Variants in MICAL3 observed in about 807,000 individuals in gnomAD.
MICAL3 encodes microtubule associated monooxygenase, calponin and LIM domain containing 3.
A neutral mutation model predicts 207.4 loss-of-function variants in MICAL3; 62 were observed. The ratio of observed to expected loss-of-function variants is 0.30; its 90% CI spans 0.24 to 0.37. The LOEUF is 0.37. MICAL3 is among the 10% of genes least tolerant of loss of function. The pLI, the probability that MICAL3 is intolerant of heterozygous loss-of-function variation, is 1.00. For missense variants in MICAL3, 2,368 were observed against 2,635.6 expected (o/e 0.90, Z 2.22); for synonymous variants, 1,077 against 1,069.3 (o/e 1.01, Z -0.14).
chr22:17,891,271 G>GA (rs1930376473), intron 12 of MICAL3, among the ~76,000 whole-genome samples: 1 of 151,574 alleles, frequency 6.6e-6, no homozygotes, highest in African/African-American at 2.4e-5. Context: ...AAAAAAATTG[G>GA]AAAAAAACAA....
chr22:17,922,014 C>T (rs1432302584), intron 1 of MICAL3, among the ~76,000 whole-genome samples: 2 of 152,120 alleles, frequency 1.3e-5, no homozygotes, highest in African/African-American at 2.4e-5. Flanking sequence ...TCACCTCTGC[C>T]GCCTCCTCAC....
intron 1 of MICAL3, among the ~76,000 whole-genome samples, chr22:18,021,592 A>G (rs1369149966): frequency 6.6e-6 from 1 of 152,256 alleles, no homozygotes; most frequent in African/African-American, 2.4e-5. Context: ...ACTAAAGGGA[A>G]GGATGGAAGT....
intron 2 of MICAL3, among the ~76,000 whole-genome samples, chr22:17,905,952 T>C (rs78006443): frequency 0.011 from 1,643 of 152,140 alleles, 32 homozygotes; most frequent in African/African-American, 0.038. Context: ...TGGGAAGAGG[T>C]TGGAAGCTTG....
chr22:17,966,517 TTCCTCAGGGGAAGAACCATGACCAA>T (rs1268726158), intron 1 of MICAL3, among the ~76,000 whole-genome samples: 1 of 152,164 alleles, frequency 6.6e-6, no homozygotes, highest in East Asian at 1.9e-4. Context: ...CAATGGAAAA[TTCCTCAGGGGAAGAACCATGACCAA>T]TCCTCAGGAG....
chr22:17,990,798 C>T (rs1921593870), intron 1 of MICAL3, among the ~76,000 whole-genome samples: 1 of 152,212 alleles, frequency 6.6e-6, no homozygotes, highest in Admixed American at 6.5e-5. Context: ...GCGATCATGC[C>T]ATGACACATA....
intron 17 of MICAL3, among the ~76,000 whole-genome samples, chr22:17,871,497 G>A (rs1464283308): frequency 6.6e-6 from 1 of 152,166 alleles, no homozygotes; most frequent in Non-Finnish European, 1.5e-5. Flanking sequence ...GGATGTGCAA[G>A]TCCCCTTCCG....
Position 17,819,133 on chromosome 22 carries a change from C to A in MICAL3, c.3532-4G>T, listed in dbSNP as rs1307954541. 2.7e-6 allele frequency: 4 copies of A among 1,469,792 alleles called. No homozygotes were observed. The highest frequency in any genetic ancestry group is 1.4e-5 in the African/African-American group (1 of 70,784). The allele number at this position is 1,469,792 out of a possible 1,614,324, so 91.0% of individuals were successfully genotyped here. A position where few individuals can be genotyped will look rare whatever the true frequency, so the allele number is the denominator to read the frequency against. ...GGACAGGTGGGAGTTGGGGCCCCTACAGGGAAGGAAGACAGAAGCCGCTGA... is the reference window on the plus strand; with the variant it reads ...GGACAGGTGGGAGTTGGGGCCCCTAAAGGGAAGGAAGACAGAAGCCGCTGA... On this transcript the variant is annotated splice_region_variant and splice_polypyrimidine_tract_variant and intron_variant, in intron 25 of 31. Coordinates refer to ENST00000441493, the MANE Select transcript of MICAL3 (RefSeq NM_015241.3).
At chr22:17,942,047 G>T (rs116373193) in intron 1 of MICAL3, among the ~76,000 whole-genome samples, 1 of 152,104 alleles carries the variant, frequency 6.6e-6, no homozygotes, top group Non-Finnish European at 1.5e-5. Flanking sequence ...AAGGAGAGGC[G>T]CCCAGCCACA....
chr22:17,966,549 G>C (rs1935152072), intron 1 of MICAL3, among the ~76,000 whole-genome samples: 1 of 152,160 alleles, frequency 6.6e-6, no homozygotes, highest in Non-Finnish European at 1.5e-5. Flanking sequence ...CCAATCCTCA[G>C]GAGATGAGGG....
intron 1 of MICAL3, among the ~76,000 whole-genome samples, chr22:17,970,110 C>T (rs1472226814): frequency 2.0e-5 from 3 of 152,198 alleles, no homozygotes; most frequent in Non-Finnish European, 4.4e-5. Flanking sequence ...GTGCCACTGT[C>T]CCCAGAGAAG....
intron 20 of MICAL3, chr22:17,840,894 A>G (rs1351621320): frequency 5.3e-5 from 8 of 152,248 alleles, no homozygotes; most frequent in Admixed American, 5.2e-4. Flanking sequence ...TCTGTGAGGC[A>G]GCCCAAGAAT....
chr22:17,880,076 A>G (rs1929276353), intron 16 of MICAL3, among the ~76,000 whole-genome samples: 1 of 152,184 alleles, frequency 6.6e-6, no homozygotes, highest in South Asian at 2.1e-4. Context: ...CCTTACAGCC[A>G]CGTGCGGGTG....
intron 3 of MICAL3, among the ~76,000 whole-genome samples, chr22:17,903,748 G>A (rs866292941): frequency 1.3e-5 from 2 of 152,200 alleles, no homozygotes; most frequent in Admixed American, 6.5e-5. Context: ...TCTGCCAGTG[G>A]AATGTGGTCA....
intron 10 of MICAL3, 45 bp downstream of exon 10, chr22:17,895,239 T>C: frequency 6.2e-7 from 1 of 1,603,520 alleles, no homozygotes; most frequent in South Asian, 1.1e-5. Flanking sequence ...TTCTCATTGG[T>C]CCTGCAGATG....
rs1056597253 is a variant in MICAL3, at chr22:17,809,014, G to A, written c.5557-77C>T. Reference sequence around the variant, plus strand: ...AGGACACACAACTCCACACCCACACGAGGGGAAACACAGGAGTTGCCGCTC... The same window carrying A: ...AGGACACACAACTCCACACCCACACAAGGGGAAACACAGGAGTTGCCGCTC... On this transcript the variant is annotated intron_variant, in intron 28 of 31. Transcript: ENST00000441493. 14 of 1,280,780 alleles carry A rather than the reference G, an allele frequency of 1.1e-5. No individual in the cohort carries two copies. In the Middle Eastern group the frequency reaches 7.3e-4, roughly 67 times the overall value. The allele number at this position is 1,280,780 out of a possible 1,614,324, so 79.3% of individuals were successfully genotyped here.
chr22:17,918,346 C>T (rs143532456), intron 1 of MICAL3, among the ~76,000 whole-genome samples: 34 of 151,810 alleles, frequency 2.2e-4, no homozygotes, highest in Non-Finnish European at 4.3e-4. Flanking sequence ...AAGACTGAGA[C>T]AAAATTTCAA....
At chr22:17,876,492 A>C (rs1330091632) in intron 16 of MICAL3, 1 of 152,220 alleles carries the variant, frequency 6.6e-6, no homozygotes, top group Non-Finnish European at 1.5e-5. Flanking sequence ...TGCTTGAGAC[A>C]CTCAGCCAGC....
At chr22:17,910,730 G>A (rs1932082028) in intron 1 of MICAL3, among the ~76,000 whole-genome samples, 3 of 152,168 alleles carry the variant, frequency 2.0e-5, no homozygotes, top group African/African-American at 7.2e-5. Flanking sequence ...GCTGGGCTGG[G>A]CCTGTCTCAC....
chr22:17,963,692 G>A (rs1442129467), intron 1 of MICAL3, among the ~76,000 whole-genome samples: 3 of 152,146 alleles, frequency 2.0e-5, no homozygotes, highest in Non-Finnish European at 1.5e-5. Context: ...CTTCGCAAGT[G>A]GATAATAGTC....
Sources: gnomAD v4.1 joint callset for allele counts (sites outside exome capture counted in the v4.1 genomes callset) on GRCh38, gnomAD v4.1.1 for gene constraint, MANE v1.5 for transcripts, NCBI Gene and HGNC (gene_info 2026-07-23, HGNC 2026-07-21) for gene names.